CAMTA1: variants seen among roughly 807,000 people sequenced by gnomAD.
CAMTA1 encodes the protein calmodulin binding transcription activator 1, also known as calmodulin-binding transcription activator 1.
CAMTA1 carries 27 observed loss-of-function variants against 170.9 expected under a neutral mutation model. The ratio of observed to expected loss-of-function variants is 0.16; its 90% CI spans 0.12 to 0.22. CAMTA1 has a LOEUF of 0.22. Among genes scored for constraint, CAMTA1 ranks in the 10% least tolerant of loss-of-function variants. The pLI is 1.00. For missense variants in CAMTA1, 1,619 were observed against 2,217.2 expected, an observed-to-expected ratio of 0.73 and a Z score of 5.42; for synonymous variants, 833 against 891.5, an observed-to-expected ratio of 0.93 and a Z score of 1.17.
chr1:7,735,584 T>G lies in CAMTA1; in HGVS notation c.3067-760T>G, dbSNP rs541333417. Among the ~76,000 whole-genome samples the G allele has an allele frequency of 3.3e-5, 5 of 152,292 alleles. No homozygotes were observed. The South Asian group carries it at 1.0e-3, about 32-fold the overall frequency. On this transcript the variant is annotated intron_variant, in intron 12 of 22. Transcript: ENST00000303635. ...GCCTACAGGAAGGCTAGAACCACTT[T>G]TTTTTGTTTAAGGCTGTGTACACTT...
intron 3 of CAMTA1, among the ~76,000 whole-genome samples, chr1:6,880,637 G>A (rs548128439): frequency 7.9e-5 from 12 of 152,098 alleles, no homozygotes; most frequent in African/African-American, 1.9e-4. Context: ...TGATCCGCCC[G>A]CCTTGGCCTC....
rs1461320333 is a variant in CAMTA1, at chr1:6,976,772, T to C, written c.235-114532T>C. On this transcript the variant is annotated intron_variant, in intron 3 of 22. Transcript: ENST00000303635. ...CAAGCACAGGGTGATATGGTTTCGC[T>C]GTGTCCCCACCCAAATCTCATCTTG... 2.0e-5 allele frequency among the ~76,000 whole-genome samples: 3 copies of C among 152,208 alleles called. No homozygotes were observed. In the East Asian group the frequency reaches 5.8e-4, roughly 29 times the overall value.
At chr1:6,972,223 A>T (rs560734740) in intron 3 of CAMTA1, among the ~76,000 whole-genome samples, 1 of 152,180 alleles carries the variant, frequency 6.6e-6, no homozygotes, top group African/African-American at 2.4e-5. Context: ...GCTTTATGAC[A>T]TCTAAGATTG....
intron 3 of CAMTA1, among the ~76,000 whole-genome samples, chr1:6,997,490 C>T (rs866644655): frequency 1.3e-5 from 2 of 152,028 alleles, no homozygotes; most frequent in Non-Finnish European, 2.9e-5. Context: ...TTTGGCTCTT[C>T]GGGCAGCCTC....
At chr1:7,122,160 A>G (rs926709163) in intron 4 of CAMTA1, among the ~76,000 whole-genome samples, 8 of 151,876 alleles carry the variant, frequency 5.3e-5, no homozygotes, top group African/African-American at 1.9e-4. Context: ...CTGTCCCTAA[A>G]CAGGACTTCT....
intron 11 of CAMTA1, among the ~76,000 whole-genome samples, chr1:7,709,348 CTG>C (rs1234195985): frequency 5.3e-5 from 8 of 152,294 alleles, no homozygotes; most frequent in African/African-American, 1.9e-4. Context: ...GGTGAGGAGA[CTG>C]TAATGAAATG....
chr1:7,052,776 G>A (rs1441599404), intron 3 of CAMTA1, among the ~76,000 whole-genome samples: 2 of 152,244 alleles, frequency 1.3e-5, no homozygotes, highest in South Asian at 2.1e-4. Context: ...AGCATCAAGT[G>A]CCCCCTTGGC....
intron 4 of CAMTA1, among the ~76,000 whole-genome samples, chr1:7,213,012 ATT>A (rs1659060420): frequency 6.6e-6 from 1 of 152,230 alleles, no homozygotes. Context: ...CCCTTTATAC[ATT>A]GAAGGACATC....
At chr1:7,671,504 G>C (rs1450616943) in intron 10 of CAMTA1, among the ~76,000 whole-genome samples, 1 of 152,220 alleles carries the variant, frequency 6.6e-6, no homozygotes, top group Non-Finnish European at 1.5e-5. Flanking sequence ...CCACACACAG[G>C]CTCCATCCTC....
At chr1:7,743,626 C>T (rs2096834016) in intron 16 of CAMTA1, among the ~76,000 whole-genome samples, 3 of 152,188 alleles carry the variant, frequency 2.0e-5, no homozygotes, top group Admixed American at 6.5e-5. Flanking sequence ...GAGGCTCCTT[C>T]GTGTTGGCAG....
chr1:6,808,320 T>C (rs1229249327), intron 1 of CAMTA1, among the ~76,000 whole-genome samples: 1 of 152,126 alleles, frequency 6.6e-6, no homozygotes, highest in Non-Finnish European at 1.5e-5. Flanking sequence ...CTTCTCCAGC[T>C]TCCTCTCTAC....
At chr1:7,152,804 A>G (rs1056757325) in intron 4 of CAMTA1, among the ~76,000 whole-genome samples, 27 of 152,162 alleles carry the variant, frequency 1.8e-4, no homozygotes, top group African/African-American at 6.3e-4. Context: ...GCCCTGATTA[A>G]TTTGGCATCT....
At chr1:7,243,953 A>C (rs1282525328) in intron 4 of CAMTA1, among the ~76,000 whole-genome samples, 1 of 152,236 alleles carries the variant, frequency 6.6e-6, no homozygotes, top group African/African-American at 2.4e-5. Flanking sequence ...GTGAAAAGGC[A>C]ACCTACAGAA....
intron 4 of CAMTA1, among the ~76,000 whole-genome samples, chr1:7,101,980 TACAC>T (rs1363224435): frequency 9.3e-5 from 14 of 150,596 alleles, no homozygotes; most frequent in African/African-American, 3.2e-4. Flanking sequence ...AGCACAGAAA[TACAC>T]ATACATATAC....
intron 6 of CAMTA1, among the ~76,000 whole-genome samples, chr1:7,610,849 G>T (rs57868241): frequency 6.6e-6 from 1 of 152,204 alleles, no homozygotes; most frequent in Non-Finnish European, 1.5e-5. Context: ...GTCAAATAGC[G>T]CCTCAGAGCA....
At chr1:7,523,654 G>A (rs1193186674) in intron 6 of CAMTA1, among the ~76,000 whole-genome samples, 8 of 151,896 alleles carry the variant, frequency 5.3e-5, no homozygotes, top group East Asian at 3.9e-4. Flanking sequence ...TGAGACAGGC[G>A]GATCACAAGC....
intron 3 of CAMTA1, among the ~76,000 whole-genome samples, chr1:6,963,833 C>A (rs11802071): frequency 0.5 from 76,146 of 152,056 alleles, 19,425 homozygotes; most frequent in East Asian, 0.63. Context: ...AGAGCCCTGA[C>A]CCTAACAATG....
At chr1:7,392,520 G>A (rs2088831527) in intron 5 of CAMTA1, among the ~76,000 whole-genome samples, 1 of 149,562 alleles carries the variant, frequency 6.7e-6, no homozygotes, top group African/African-American at 2.5e-5. Flanking sequence ...CTCCCAAAGT[G>A]CTGGGATTAC....
intron 6 of CAMTA1, among the ~76,000 whole-genome samples, chr1:7,495,112 T>C (rs908285035): frequency 1.3e-5 from 2 of 152,032 alleles, no homozygotes; most frequent in African/African-American, 4.8e-5. Flanking sequence ...CAGGCTCTTG[T>C]TTGGTAGCTG....
Sources: allele counts gnomAD v4.1 joint callset (sites outside exome capture counted in the v4.1 genomes callset), GRCh38; gene constraint gnomAD v4.1.1; transcripts MANE v1.5; gene names NCBI Gene and HGNC (gene_info 2026-07-23, HGNC 2026-07-21).